UGP2: variants seen among roughly 807,000 people sequenced by gnomAD.
UGP2 encodes UDP-glucose pyrophosphorylase 2.
Under a neutral mutation model 49.0 loss-of-function variants are expected in UGP2, and 40 were observed. That is an observed-to-expected ratio of 0.82 (90% confidence interval 0.63 to 1.06). UGP2 has a LOEUF of 1.06. UGP2 is among the 50% of genes least tolerant of loss of function. UGP2 has a pLI of 0.00. For missense variants in UGP2, 460 were observed against 603.5 expected, an observed-to-expected ratio of 0.76 and a Z score of 2.49; for synonymous variants, 225 against 213.0, an observed-to-expected ratio of 1.06 and a Z score of -0.49.
chr2:63,888,870 CTGA>C (rs1246066134), intron 8 of UGP2: 1 of 152,242 alleles, frequency 6.6e-6, no homozygotes, highest in Non-Finnish European at 1.5e-5. Flanking sequence ...CCAACCTAGC[CTGA>C]TAAGTGAAAT....
At chr2:63,841,292 G>C (rs1443708489), upstream of UGP2, 1 of 152,200 alleles carries the variant, frequency 6.6e-6, no homozygotes, top group Admixed American at 6.5e-5. Context: ...CCCCCTGGAT[G>C]AGTGTGTTTC....
chr2:63,848,387 G>A (rs372431031), intron 1 of UGP2, among the ~76,000 whole-genome samples: 20 of 152,168 alleles, frequency 1.3e-4, no homozygotes, highest in Non-Finnish European at 2.4e-4. Flanking sequence ...TCATTGAGAC[G>A]GAGTCTTGCT....
chr2:63,841,499 C>T (rs1393842262), upstream of UGP2, among the ~76,000 whole-genome samples: 1 of 152,112 alleles, frequency 6.6e-6, no homozygotes, highest in Non-Finnish European at 1.5e-5. Flanking sequence ...CCTTCGGCCC[C>T]TACCGAGAAA....
chr2:63,855,416 T>A, intron 1 of UGP2: 1 of 483,928 alleles, frequency 2.1e-6, no homozygotes, highest in South Asian at 1.5e-5. Flanking sequence ...TTGTCCCTAT[T>A]TTATGAGAAG....
chr2:63,874,105 A>G (rs1670748229), intron 3 of UGP2, among the ~76,000 whole-genome samples: 1 of 152,150 alleles, frequency 6.6e-6, no homozygotes, highest in African/African-American at 2.4e-5. Context: ...GCTGCAAGGG[A>G]GGCTGGAAAT....
In UGP2 at chr2:63,886,088, T is replaced by G. The variant is rs1487228874; in HGVS notation, c.873+202T>G. ...TTTTTGGATAAGCTACATCAGTAAT[T>G]TTAACTAAAATAATTTCATACATAT... On this transcript the variant is annotated intron_variant, in intron 6 of 9. Coordinates refer to ENST00000337130, the MANE Select transcript of UGP2 (RefSeq NM_006759.4). 2.0e-5 allele frequency among the ~76,000 whole-genome samples: 3 copies of G among 152,180 alleles called. No individual in the cohort carries two copies. The East Asian group carries it at 5.8e-4, about 29-fold the overall frequency.
Position 63,857,834 on chromosome 2 carries a change from CA to C in UGP2, c.159del (p.Asp54ThrfsTer39), listed in dbSNP as rs1558939783. On this transcript the variant is annotated frameshift_variant, in exon 3 of 10. Transcript: ENST00000337130. LOFTEE classifies it high-confidence loss of function. ...TASSHEFEHT[K>X]KDLDGFRKLF... ...AATGACTTCTATTTTCACAGCACAC[CA>C]AAAAAGACCTGGATGGATTTCGGAA... 1.9e-6 allele frequency: 3 copies of C among 1,613,456 alleles called. No homozygotes were observed. Among genetic ancestry groups the C allele is most frequent in the Non-Finnish European group, 2.5e-6 (3 of 1,179,756 alleles).
At chr2:63,863,038 T>G (rs1669955210) in intron 3 of UGP2, 1 of 329,972 alleles carries the variant, frequency 3.0e-6, no homozygotes, top group Non-Finnish European at 6.0e-6. Context: ...AAAACTATCT[T>G]CTTAGCTGAT....
intron 3 of UGP2, among the ~76,000 whole-genome samples, chr2:63,877,764 C>T (rs1264943540): frequency 5.3e-5 from 8 of 151,696 alleles, no homozygotes; most frequent in South Asian, 2.1e-4. Flanking sequence ...GAGGCCGAGG[C>T]GGGTGGATCA....
chr2:63,869,269 G>C (rs1014177463), intron 3 of UGP2, among the ~76,000 whole-genome samples: 1 of 152,190 alleles, frequency 6.6e-6, no homozygotes, highest in Non-Finnish European at 1.5e-5. Flanking sequence ...CATTTGAGTA[G>C]AGACCTACAG....
chr2:63,844,343 T>C (rs1671782112), intron 1 of UGP2, among the ~76,000 whole-genome samples: 2 of 152,246 alleles, frequency 1.3e-5, no homozygotes, highest in Middle Eastern at 3.2e-3. Flanking sequence ...CTTTGATCTT[T>C]GCTGCAGAAA....
At chr2:63,849,305 A>G (rs1322138430) in intron 1 of UGP2, among the ~76,000 whole-genome samples, 1 of 152,202 alleles carries the variant, frequency 6.6e-6, no homozygotes, top group African/African-American at 2.4e-5. Context: ...GCCACAATGA[A>G]AATGTGATTG....
chr2:63,853,818 G>GA, intron 1 of UGP2, among the ~76,000 whole-genome samples: 1 of 152,242 alleles, frequency 6.6e-6, no homozygotes, highest in East Asian at 1.9e-4. Flanking sequence ...CCATGATGTT[G>GA]AAATTTTAGT....
intron 6 of UGP2, 39 bp downstream of exon 6, chr2:63,885,925 T>C (rs1671639457): frequency 2.0e-6 from 3 of 1,499,200 alleles, no homozygotes; most frequent in Non-Finnish European, 2.7e-6. Context: ...CTTCATGTTT[T>C]CACATTTCGT....
chr2:63,849,648 C>A (rs1378504527), intron 1 of UGP2, among the ~76,000 whole-genome samples: 1 of 152,088 alleles, frequency 6.6e-6, no homozygotes, highest in Non-Finnish European at 1.5e-5. Flanking sequence ...GTTGAGCTGC[C>A]GGTTTTCATT....
At chr2:63,876,534 G>C (rs1670916766) in intron 3 of UGP2, among the ~76,000 whole-genome samples, 1 of 152,144 alleles carries the variant, frequency 6.6e-6, no homozygotes, top group Admixed American at 6.5e-5. Flanking sequence ...AGTCTTCTGT[G>C]GTTAACAAAT....
chr2:63,877,252 A>G (rs951535982), intron 3 of UGP2, among the ~76,000 whole-genome samples: 1 of 152,192 alleles, frequency 6.6e-6, no homozygotes, highest in Non-Finnish European at 1.5e-5. Context: ...ATATTTTCCA[A>G]CTATTTTTGC....
chr2:63,859,511 G>A (rs577974485), intron 3 of UGP2, among the ~76,000 whole-genome samples: 1 of 152,030 alleles, frequency 6.6e-6, no homozygotes, highest in Admixed American at 6.6e-5. Flanking sequence ...CTTGAAGTGG[G>A]GGTCAGAGGG....
chr2:63,851,793 A>T lies in UGP2; in HGVS notation c.20-4513A>T, dbSNP rs551863278. Among the ~76,000 whole-genome samples, 14 of 152,244 alleles carry T rather than the reference A, an allele frequency of 9.2e-5. No individual in the cohort carries two copies. The South Asian group carries it at 2.5e-3, about 27-fold the overall frequency. ...TTTATCCCATAAATCCTGAAGTAGG[A>T]TATGCAGGGTTGGTTAATTCAGTAC... On this transcript the variant is annotated intron_variant, in intron 1 of 9. Transcript: ENST00000337130.
Sources: gnomAD v4.1 joint callset for allele counts (sites outside exome capture counted in the v4.1 genomes callset) on GRCh38, gnomAD v4.1.1 for gene constraint, MANE v1.5 for transcripts, NCBI Gene and HGNC (gene_info 2026-07-23, HGNC 2026-07-21) for gene names.